Variants in BAZ2B observed in about 807,000 individuals in gnomAD.
The protein encoded by BAZ2B is bromodomain adjacent to zinc finger domain 2B, also known as bromodomain adjacent to zinc finger domain protein 2B.
A neutral mutation model predicts 246.0 loss-of-function variants in BAZ2B; 91 were observed. The observed-to-expected ratio is 0.37, with a 90% confidence interval of 0.31 to 0.44. The LOEUF is 0.44. Ranked by LOEUF, BAZ2B falls within the 20% of genes least tolerant of loss-of-function variation. The pLI, the probability that BAZ2B is intolerant of heterozygous loss-of-function variation, is 1.00. For missense variants in BAZ2B, 2,332 were observed against 2,533.7 expected (o/e 0.92, Z 1.71); for synonymous variants, 855 against 860.0 (o/e 0.99, Z 0.10).
At position 159,382,609 on chromosome 2, in the gene BAZ2B, C is replaced by T. The variant is rs1325953152; in HGVS notation, c.3955G>A (p.Glu1319Lys). ...DQGDEDDEDE[E>K]DKEDKKGKKT... The stretch of plus-strand genomic sequence containing the variant: ...TTTCCTTTTTTGTCTTCTTTATCTT[C>T]TTCATCCTCATCATCTTCATCCCCT... The change falls in exon 25 of 37, where the codon GAA becomes AAA. Residue 1319 changes from glutamate to lysine, a missense_variant. Coordinates refer to ENST00000392783, the MANE Select transcript of BAZ2B (RefSeq NM_013450.4). The T allele has an allele frequency of 1.3e-6, 2 of 1,559,264 alleles. No homozygotes were observed. Among genetic ancestry groups the T allele is most frequent in the South Asian group, 1.2e-5 (1 of 85,776 alleles).
At chr2:159,461,788 T>C (rs571618140) in intron 3 of BAZ2B, 1 of 152,770 alleles carries the variant, frequency 6.5e-6, no homozygotes, top group African/African-American at 2.4e-5. Flanking sequence ...GTGGTTCAAG[T>C]CTTTGGATTT....
At chr2:159,427,208 C>G (rs2070096796) in intron 13 of BAZ2B, among the ~76,000 whole-genome samples, 1 of 152,068 alleles carries the variant, frequency 6.6e-6, no homozygotes, top group Non-Finnish European at 1.5e-5. Context: ...GGACCCCTTT[C>G]AATGCAGCTA....
At position 159,340,266 on chromosome 2, in the gene BAZ2B, G is replaced by T. The variant is rs151320807; in HGVS notation, c.5455-2494C>A. Among the ~76,000 whole-genome samples the T allele has an allele frequency of 2.2e-3, 337 of 152,054 alleles. 4 individuals are homozygous for T. Among genetic ancestry groups the T allele is most frequent in the African/African-American group, 7.5e-3 (313 of 41,520 alleles). On this transcript the variant is annotated intron_variant, in intron 31 of 36. Coordinates refer to ENST00000392783, the MANE Select transcript of BAZ2B (RefSeq NM_013450.4). ...AACAAAGAAAAAGGAAAAAAAGAAGGAAAAAGCCTATAGGATTTATGGGAC... is the reference window on the plus strand; with the variant it reads ...AACAAAGAAAAAGGAAAAAAAGAAGTAAAAAGCCTATAGGATTTATGGGAC...
upstream of BAZ2B, chr2:159,617,130 C>A (rs1696180607): frequency 6.6e-6 from 1 of 151,658 alleles, no homozygotes; most frequent in African/African-American, 2.4e-5. Flanking sequence ...AAGGTAATCT[C>A]GATAGCTTTT....
At chr2:159,423,753 A>G (rs1409157693) in intron 13 of BAZ2B, among the ~76,000 whole-genome samples, 1 of 152,270 alleles carries the variant, frequency 6.6e-6, no homozygotes, top group Non-Finnish European at 1.5e-5. Flanking sequence ...CCTAAGTGAG[A>G]TAATGCAGGA....
At position 159,475,931 on chromosome 2, in the gene BAZ2B, C is replaced by T. The variant is rs1191175166; in HGVS notation, c.145+2644G>A. 3.3e-5 allele frequency among the ~76,000 whole-genome samples: 5 copies of T among 152,138 alleles called. No individual in the cohort carries two copies. In the East Asian group the frequency reaches 9.6e-4, roughly 29 times the overall value. ...CTCTGGAAGCTTTGTCCCAGAGAGG[C>T]ACCTGCCAGATGCCAGCCAGAGCTC... On this transcript the variant is annotated intron_variant, in intron 3 of 36. Coordinates refer to ENST00000392783, the MANE Select transcript of BAZ2B (RefSeq NM_013450.4).
At position 159,517,842 on chromosome 2, in the gene BAZ2B, T is replaced by A. The variant is rs2083593917; in HGVS notation, c.-3+37981A>T. ...ATTGAGCCACATTAATGCAAGTTGC[T>A]AACATCACTAATCACCACCTTTACT... On this transcript the variant is annotated intron_variant, in intron 2 of 36. Coordinates refer to ENST00000392783, the MANE Select transcript of BAZ2B (RefSeq NM_013450.4). 2.0e-5 allele frequency among the ~76,000 whole-genome samples: 3 copies of A among 152,204 alleles called. No individual in the cohort carries two copies. The South Asian group carries it at 6.2e-4, about 31-fold the overall frequency.
intron 2 of BAZ2B, among the ~76,000 whole-genome samples, chr2:159,538,332 A>G (rs1007045374): frequency 3.9e-5 from 6 of 152,194 alleles, no homozygotes; most frequent in South Asian, 2.1e-4. Flanking sequence ...TACTCACTGT[A>G]TATATGAAAT....
intron 2 of BAZ2B, among the ~76,000 whole-genome samples, chr2:159,518,188 A>G (rs1242898432): frequency 6.6e-6 from 1 of 152,240 alleles, no homozygotes; most frequent in Non-Finnish European, 1.5e-5. Context: ...AAATGAAAAC[A>G]TAAAGAGGTA....
chr2:159,350,358 C>A lies in BAZ2B; in HGVS notation c.4214-1G>T, dbSNP rs1378690874. 2 of 1,523,262 alleles carry A rather than the reference C, an allele frequency of 1.3e-6. No homozygotes were observed. Among genetic ancestry groups the A allele is most frequent in the East Asian group, 2.3e-5 (1 of 43,898 alleles). The allele number at this position is 1,523,262 out of a possible 1,614,324, so 94.4% of individuals were successfully genotyped here. ...CTTTCTTTTGCAATTTCTTCTAGTC[C>A]TACAAAATGAAAAAGCATTATGAAC... On this transcript the variant is annotated splice_acceptor_variant, in intron 27 of 36. Transcript: ENST00000392783. LOFTEE classifies it high-confidence loss of function.
chr2:159,337,320 G>GT (rs895328390), intron 32 of BAZ2B: 10 of 1,152,004 alleles, frequency 8.7e-6, no homozygotes, highest in Non-Finnish European at 1.2e-5. Flanking sequence ...CAAAAAAAAA[G>GT]TTTTTACAAA....
the BAZ2B span, among the ~76,000 whole-genome samples, chr2:159,669,402 T>C: frequency 6.6e-6 from 1 of 152,334 alleles, no homozygotes; most frequent in East Asian, 1.9e-4. Context: ...TAAAAAAATA[T>C]GTATTTGGCA....
intron 27 of BAZ2B, among the ~76,000 whole-genome samples, chr2:159,364,164 A>T (rs550575530): frequency 1.3e-5 from 2 of 152,250 alleles, no homozygotes; most frequent in South Asian, 4.1e-4. Flanking sequence ...TATGCTGGAA[A>T]AGAGAAGAGC....
At chr2:159,608,269 C>T (rs529234981) in intron 1 of BAZ2B, among the ~76,000 whole-genome samples, 5 of 152,252 alleles carry the variant, frequency 3.3e-5, no homozygotes, top group East Asian at 1.9e-4. Flanking sequence ...AGCTACTTGG[C>T]GGACTGAGGC....
chr2:159,618,703 C>T (rs1488904956), upstream of BAZ2B, among the ~76,000 whole-genome samples: 2 of 152,050 alleles, frequency 1.3e-5, no homozygotes, highest in Admixed American at 6.5e-5. Context: ...CTATTACTGA[C>T]ACTTTACCTA....
At chr2:159,358,583 G>GA (rs1227725708) in intron 27 of BAZ2B, among the ~76,000 whole-genome samples, 5 of 152,114 alleles carry the variant, frequency 3.3e-5, no homozygotes. Flanking sequence ...GAACATTCAG[G>GA]ATTTGAATCA....
chr2:159,546,533 G>A (rs1384986386), intron 2 of BAZ2B, among the ~76,000 whole-genome samples: 1 of 148,902 alleles, frequency 6.7e-6, no homozygotes, highest in Non-Finnish European at 1.5e-5. Context: ...CTACTCAAAT[G>A]ACTGCAAAAC....
chr2:159,558,172 T>C (rs1431269660), intron 1 of BAZ2B, among the ~76,000 whole-genome samples: 1 of 152,204 alleles, frequency 6.6e-6, no homozygotes, highest in African/African-American at 2.4e-5. Context: ...GGGGTGACTT[T>C]TATTTAGAAC....
intron 13 of BAZ2B, among the ~76,000 whole-genome samples, chr2:159,413,517 G>A (rs933372528): frequency 6.6e-6 from 1 of 152,020 alleles, no homozygotes; most frequent in Non-Finnish European, 1.5e-5. Flanking sequence ...AGACCAGCCT[G>A]GCCAACATGG....
Sources: allele counts gnomAD v4.1 joint callset (sites outside exome capture counted in the v4.1 genomes callset), GRCh38; gene constraint gnomAD v4.1.1; transcripts MANE v1.5; gene names NCBI Gene and HGNC (gene_info 2026-07-23, HGNC 2026-07-21).